Variants in OSTF1 observed in about 807,000 individuals in gnomAD.
OSTF1 encodes the protein osteoclast-stimulating factor 1.
OSTF1 carries 27 observed loss-of-function variants against 37.2 expected under a neutral mutation model. The observed-to-expected ratio is 0.73, with a 90% CI of 0.54 to 1.00. The LOEUF is 1.00. Ranked by LOEUF, OSTF1 falls within the 50% of genes least tolerant of loss-of-function variation. The probability of loss-of-function intolerance (pLI) is 0.00; values close to 1 mark genes in which losing one functional copy is unlikely to be tolerated. For synonymous variants in OSTF1, 82 were observed against 89.2 expected, an observed-to-expected ratio of 0.92 and a Z score of 0.46; for missense variants, 232 against 253.8, an observed-to-expected ratio of 0.91 and a Z score of 0.58.
intron 7 of OSTF1, among the ~76,000 whole-genome samples, chr9:75,134,642 C>T (rs565725194): frequency 7.2e-5 from 11 of 152,272 alleles, no homozygotes; most frequent in East Asian, 1.9e-4. Flanking sequence ...AATAGGCTGA[C>T]GGAGCTATCT....
chr9:75,117,068 AATTT>A (rs1460915762), intron 1 of OSTF1, among the ~76,000 whole-genome samples: 2 of 152,114 alleles, frequency 1.3e-5, no homozygotes, highest in African/African-American at 4.8e-5. Flanking sequence ...ATGTTTTTAA[AATTT>A]ATTTTATGAT....
intron 9 of OSTF1, among the ~76,000 whole-genome samples, chr9:75,145,098 T>TATCA (rs923482761): frequency 6.6e-6 from 1 of 152,306 alleles, no homozygotes; most frequent in African/African-American, 2.4e-5. Context: ...AGGTTCATTC[T>TATCA]ATCAATCAAT....
chr9:75,111,619 T>G (rs1825389610), intron 1 of OSTF1, among the ~76,000 whole-genome samples: 1 of 152,124 alleles, frequency 6.6e-6, no homozygotes, highest in Non-Finnish European at 1.5e-5. Flanking sequence ...CAGGGTAATT[T>G]CAGGTTATTT....
At chr9:75,104,662 C>G (rs1053616164) in intron 1 of OSTF1, among the ~76,000 whole-genome samples, 18 of 152,170 alleles carry the variant, frequency 1.2e-4, no homozygotes, top group African/African-American at 4.3e-4. Flanking sequence ...AGGAGAAACA[C>G]AAGGAGTAAG....
chr9:75,117,310 T>A (rs1427312335), intron 1 of OSTF1, among the ~76,000 whole-genome samples, 194 bp from the exon 2 acceptor site: 1 of 152,176 alleles, frequency 6.6e-6, no homozygotes, highest in Non-Finnish European at 1.5e-5. Context: ...CCTATCTAGG[T>A]GTGATTTTGT....
intron 2 of OSTF1, among the ~76,000 whole-genome samples, chr9:75,119,947 A>G (rs563480692): frequency 9.9e-5 from 15 of 151,364 alleles, no homozygotes; most frequent in African/African-American, 3.7e-4. Flanking sequence ...CTGGCGACAG[A>G]GTGAGACTCC....
At chr9:75,088,826 C>T in intron 1 of OSTF1, 100 bp downstream of exon 1, 2 of 1,193,992 alleles carry the variant, frequency 1.7e-6, no homozygotes, top group Non-Finnish European at 1.2e-6. Context: ...GCACCCGGCC[C>T]CGAGCCTGGC....
At chr9:75,139,057 T>TCCTTCCTTCCTTCCTTCCTTCC (rs1554774439) in intron 8 of OSTF1, among the ~76,000 whole-genome samples, 3 of 138,596 alleles carry the variant, frequency 2.2e-5, no homozygotes, top group African/African-American at 9.2e-5. Flanking sequence ...TTTCTTTCTT[T>TCCTTCCTTCCTTCCTTCCTTCC]TTTTTTTGAA....
In OSTF1 at chr9:75,128,477, CATAT is replaced by C. The variant is rs10595014; in HGVS notation, c.132+873_132+876del. Among the ~76,000 whole-genome samples the C allele has an allele frequency of 7.0e-3, 24 of 3,426 alleles. 9 individuals carry two copies. The highest frequency in any genetic ancestry group is 0.028 in the African/African-American group (22 of 790). The allele number at this position is 3,426 out of a possible 152,430, so 2.2% of individuals were successfully genotyped here. A position where few individuals can be genotyped will look rare whatever the true frequency, so the allele number is the denominator to read the frequency against. On this transcript the variant is annotated intron_variant, in intron 3 of 9. Transcript: ENST00000346234. ...TGTCCATATATATATATATTTTGTCCATATATATATATATATATTTTGTCCATAT... is the reference window on the plus strand; with the variant it reads ...TGTCCATATATATATATATTTTGTCCATATATATATATATTTTGTCCATAT...
At chr9:75,105,509 A>T (rs908700896) in intron 1 of OSTF1, among the ~76,000 whole-genome samples, 1 of 152,096 alleles carries the variant, frequency 6.6e-6, no homozygotes, top group African/African-American at 2.4e-5. Context: ...ACTATTTTTC[A>T]TTTTTCTCTC....
rs766200998 is a variant in OSTF1, at chr9:75,134,367, C to T, written c.380C>T (p.Thr127Ile). ...TCAGATATAGTGGAAATGCTATTTA[C>T]TCAACCAAATATTGAACTGAACCAG... Reference protein sequence around the residue: ...GHKDIVEMLFTQPNIELNQQN... With the variant: ...GHKDIVEMLFIQPNIELNQQN... Residue 127 changes from threonine to isoleucine, a missense_variant, in exon 7 of 10, where the codon ACT (threonine) becomes ATT (isoleucine). Thr to Ile is a moderately conservative substitution (Grantham distance 89). Transcript: ENST00000346234. 1.3e-6 allele frequency: 2 copies of T among 1,570,120 alleles called. No homozygotes were observed. Among genetic ancestry groups the T allele is most frequent in the South Asian group, 1.1e-5 (1 of 87,858 alleles).
At chr9:75,125,186 C>T (rs1352914287) in intron 2 of OSTF1, among the ~76,000 whole-genome samples, 1 of 152,146 alleles carries the variant, frequency 6.6e-6, no homozygotes, top group Non-Finnish European at 1.5e-5. Flanking sequence ...AAATTGCCAG[C>T]AAAGGCCAAC....
intron 9 of OSTF1, among the ~76,000 whole-genome samples, chr9:75,141,312 C>CAAAAAAAAAAAAAAAAAAAAAA (rs529293090): frequency 5.4e-4 from 39 of 71,672 alleles, no homozygotes; most frequent in Admixed American, 5.6e-4. Context: ...AAAAGAAAAC[C>CAAAAAAAAAAAAAAAAAAAAAA]AAAAAAAAAA....
chr9:75,092,086 C>T (rs933550585), intron 1 of OSTF1, among the ~76,000 whole-genome samples: 2 of 152,124 alleles, frequency 1.3e-5, no homozygotes, highest in Non-Finnish European at 2.9e-5. Context: ...GTAGACAATA[C>T]TAAAAGGAAA....
chr9:75,116,941 C>T (rs1157656114), intron 1 of OSTF1, among the ~76,000 whole-genome samples: 2 of 152,092 alleles, frequency 1.3e-5, no homozygotes, highest in Non-Finnish European at 1.5e-5. Flanking sequence ...AAATACCATT[C>T]TCCCACAGGC....
At chr9:75,131,714 T>A in intron 4 of OSTF1, 56 bp from the exon 5 acceptor site, 1 of 1,350,764 alleles carries the variant, frequency 7.4e-7, no homozygotes. Context: ...GTGGCTTCAG[T>A]AAATCATTTG....
chr9:75,093,259 A>G (rs1438116060), intron 1 of OSTF1, among the ~76,000 whole-genome samples: 2 of 152,104 alleles, frequency 1.3e-5, no homozygotes, highest in East Asian at 3.9e-4. Context: ...TATAGCATTT[A>G]TGTTGTTTTC....
intron 1 of OSTF1, among the ~76,000 whole-genome samples, chr9:75,106,560 G>T (rs1371672021): frequency 7.0e-6 from 1 of 143,458 alleles, no homozygotes; most frequent in Admixed American, 7.1e-5. Flanking sequence ...CAGGAGAATT[G>T]CTTGAACCTG....
At chr9:75,118,107 G>A (rs1825521219) in intron 2 of OSTF1, among the ~76,000 whole-genome samples, 1 of 152,222 alleles carries the variant, frequency 6.6e-6, no homozygotes, top group Non-Finnish European at 1.5e-5. Flanking sequence ...ATCCAGTGGA[G>A]AGAGACAGAG....
Sources: allele counts gnomAD v4.1 joint callset (sites outside exome capture counted in the v4.1 genomes callset), GRCh38; gene constraint gnomAD v4.1.1; transcripts MANE v1.5; gene names NCBI Gene and HGNC (gene_info 2026-07-23, HGNC 2026-07-21).